The following CNTNAP2 variants were observed in gnomAD, a reference collection of about 807,000 sequenced individuals.
CNTNAP2 encodes contactin associated protein 2, also known as contactin-associated protein-like 2.
Under a neutral mutation model 155.2 loss-of-function variants are expected in CNTNAP2, and 98 were observed. The observed-to-expected ratio is 0.63, with a 90% CI of 0.54 to 0.75. The LOEUF is 0.75. CNTNAP2 is among the 30% of genes least tolerant of loss of function. The probability of loss-of-function intolerance (pLI) is 0.00; values close to 1 mark genes in which losing one functional copy is unlikely to be tolerated. For synonymous variants in CNTNAP2, 651 were observed against 631.2 expected, an observed-to-expected ratio of 1.03 and a Z score of -0.47; for missense variants, 1,727 against 1,688.1, an observed-to-expected ratio of 1.02 and a Z score of -0.40.
chr7:147,828,705 C>G (rs1376831361), intron 13 of CNTNAP2, among the ~76,000 whole-genome samples: 2 of 152,052 alleles, frequency 1.3e-5, no homozygotes, highest in Non-Finnish European at 2.9e-5. Flanking sequence ...TAAATGTTCA[C>G]TGATACTCCA....
chr7:147,616,509 A>G (rs957794425), intron 12 of CNTNAP2, among the ~76,000 whole-genome samples: 1 of 152,164 alleles, frequency 6.6e-6, no homozygotes, highest in African/African-American at 2.4e-5. Flanking sequence ...TTCTGGCAAA[A>G]TAATCTGCCA....
intron 9 of CNTNAP2, among the ~76,000 whole-genome samples, chr7:147,334,760 T>C (rs1795637523): frequency 1.3e-5 from 2 of 152,114 alleles, no homozygotes. Flanking sequence ...CTGAATAACA[T>C]GCATACCATG....
intron 1 of CNTNAP2, among the ~76,000 whole-genome samples, chr7:146,638,637 A>G (rs903057874): frequency 6.6e-6 from 1 of 151,452 alleles, no homozygotes; most frequent in South Asian, 2.1e-4. Flanking sequence ...GGCACCCGCC[A>G]CCACACCTGG....
intron 21 of CNTNAP2, among the ~76,000 whole-genome samples, chr7:148,364,309 G>GC (rs1321271713): frequency 6.6e-6 from 1 of 152,246 alleles, no homozygotes; most frequent in African/African-American, 2.4e-5. Context: ...TTTATATCTA[G>GC]CTCAGGGATT....
Position 147,627,501 on chromosome 7 carries a change from G to T in CNTNAP2, c.1898-11605G>T, listed in dbSNP as rs914971512. ...TCATGAGGTCAGGAGTTCAAGACCA[G>T]CCTGGCCAACATAGTGAAACCCTGT... On this transcript the variant is annotated intron_variant, in intron 12 of 23. Transcript: ENST00000361727. Among the ~76,000 whole-genome samples the T allele has an allele frequency of 3.4e-4, 51 of 151,870 alleles. 1 individual carries two copies. The highest frequency in any genetic ancestry group is 1.2e-3 in the African/African-American group (50 of 41,350).
chr7:147,829,183 A>T (rs892242222), intron 13 of CNTNAP2, among the ~76,000 whole-genome samples: 2 of 152,124 alleles, frequency 1.3e-5, no homozygotes, highest in African/African-American at 2.4e-5. Flanking sequence ...CCCTCTACCA[A>T]CTGGATATGA....
In CNTNAP2 at chr7:146,925,298, A is replaced by G. The variant is rs186001166; in HGVS notation, c.402+85394A>G. Reference sequence around the variant, plus strand: ...AAAGTAAGTTTCAAAATGAGTTTCAATAAATACATATTATCAAAGTTAAAC... The same window carrying G: ...AAAGTAAGTTTCAAAATGAGTTTCAGTAAATACATATTATCAAAGTTAAAC... On this transcript the variant is annotated intron_variant, in intron 3 of 23. Transcript: ENST00000361727. Among the ~76,000 whole-genome samples the G allele has an allele frequency of 8.1e-4, 123 of 152,254 alleles. No homozygotes were observed. The East Asian group carries it at 0.016, about 19-fold the overall frequency.
chr7:147,545,224 T>C (rs1253931628), intron 11 of CNTNAP2, among the ~76,000 whole-genome samples: 3 of 152,174 alleles, frequency 2.0e-5, no homozygotes, highest in Non-Finnish European at 4.4e-5. Flanking sequence ...ATGCCTTTTG[T>C]GCTCAACAAT....
chr7:146,627,678 A>G lies in CNTNAP2; in HGVS notation c.98-146593A>G, dbSNP rs537387508. 1.2e-3 allele frequency among the ~76,000 whole-genome samples: 186 copies of G among 152,230 alleles called. 1 individual carries two copies. The highest frequency in any genetic ancestry group is 4.0e-3 in the African/African-American group (166 of 41,562). The stretch of plus-strand genomic sequence containing the variant: ...CACAGTATACATTTTGCAACCTGTT[A>G]TTTTAGGGCATTATCAATTTCTCAG... On this transcript the variant is annotated intron_variant, in intron 1 of 23. Transcript: ENST00000361727.
chr7:146,448,374 G>A (rs1455114004), intron 1 of CNTNAP2, among the ~76,000 whole-genome samples: 2 of 141,192 alleles, frequency 1.4e-5, no homozygotes, highest in African/African-American at 3.2e-5. Context: ...ATTTCAGAAG[G>A]GGGATAAAGA....
intron 15 of CNTNAP2, among the ~76,000 whole-genome samples, chr7:148,021,740 G>A (rs1802282535): frequency 6.6e-6 from 1 of 152,194 alleles, no homozygotes; most frequent in Non-Finnish European, 1.5e-5. Context: ...TCACAGTGCA[G>A]GAACCCGGTG....
chr7:146,468,767 G>A (rs1401915325), intron 1 of CNTNAP2, among the ~76,000 whole-genome samples: 3 of 152,102 alleles, frequency 2.0e-5, no homozygotes, highest in African/African-American at 4.8e-5. Context: ...ACCTTCCTCA[G>A]TAAGAATAAA....
At chr7:148,294,752 TA>T (rs1306250055) in intron 21 of CNTNAP2, among the ~76,000 whole-genome samples, 1 of 152,168 alleles carries the variant, frequency 6.6e-6, no homozygotes, top group Non-Finnish European at 1.5e-5. Flanking sequence ...AAAAAACTTT[TA>T]TGAATCTCTT....
At chr7:147,823,512 G>C (rs10488353) in intron 13 of CNTNAP2, among the ~76,000 whole-genome samples, 2,733 of 152,190 alleles carry the variant, frequency 0.018, 82 homozygotes, top group East Asian at 0.14. Context: ...TTTGAGGTAT[G>C]AAGACACGCG....
chr7:146,502,016 C>T lies in CNTNAP2; in HGVS notation c.98-272255C>T, dbSNP rs564435050. Among the ~76,000 whole-genome samples the T allele has an allele frequency of 7.9e-5, 12 of 151,668 alleles. No individual in the cohort carries two copies. In the East Asian group the frequency reaches 9.7e-4, roughly 12 times the overall value. On this transcript the variant is annotated intron_variant, in intron 1 of 23. Transcript: ENST00000361727. ...TATTCCTCTCTTTGCCCTATCCTTC[C>T]GAGCCTCTGATGACCACCAATCTAC...
chr7:148,048,607 A>G (rs1196292622), intron 15 of CNTNAP2, among the ~76,000 whole-genome samples: 1 of 152,124 alleles, frequency 6.6e-6, no homozygotes, highest in Non-Finnish European at 1.5e-5. Flanking sequence ...TCTTGGATCA[A>G]AGAATGTGCA....
chr7:146,931,623 C>T (rs2129223022), intron 3 of CNTNAP2, among the ~76,000 whole-genome samples: 1 of 150,872 alleles, frequency 6.6e-6, no homozygotes. Context: ...ACAAAAAACC[C>T]TTCAAAAAAT....
intron 1 of CNTNAP2, among the ~76,000 whole-genome samples, chr7:146,396,935 C>A (rs1204876205): frequency 6.6e-6 from 1 of 152,002 alleles, no homozygotes; most frequent in South Asian, 2.1e-4. Context: ...TAATTCTTAT[C>A]TGAGAAGCAT....
intron 3 of CNTNAP2, among the ~76,000 whole-genome samples, chr7:147,039,122 A>G (rs191457659): frequency 1.3e-5 from 2 of 152,318 alleles, no homozygotes; most frequent in African/African-American, 4.8e-5. Flanking sequence ...ATATAAAAAC[A>G]TATATAACAA....
Sources: gnomAD v4.1 joint callset for allele counts (sites outside exome capture counted in the v4.1 genomes callset) on GRCh38, gnomAD v4.1.1 for gene constraint, MANE v1.5 for transcripts, NCBI Gene and HGNC (gene_info 2026-07-23, HGNC 2026-07-21) for gene names.